The following NXN variants were observed in gnomAD, a reference collection of about 807,000 sequenced individuals.
The protein encoded by NXN is nucleoredoxin, also known as nucleoredoxin 1.
A neutral mutation model predicts 48.6 loss-of-function variants in NXN; 16 were observed. The ratio of observed to expected loss-of-function variants is 0.33; its 90% CI spans 0.22 to 0.50. NXN has a LOEUF of 0.50. Ranked by LOEUF, NXN falls within the 20% of genes least tolerant of loss-of-function variation. The pLI, the probability that NXN is intolerant of heterozygous loss-of-function variation, is 0.98. For missense variants in NXN, 492 were observed against 605.5 expected (o/e 0.81, Z 1.97); for synonymous variants, 281 against 269.6 (o/e 1.04, Z -0.41).
chr17:965,574 C>T (rs1032467294), intron 1 of NXN, among the ~76,000 whole-genome samples: 4 of 152,148 alleles, frequency 2.6e-5, no homozygotes, highest in East Asian at 1.9e-4. Flanking sequence ...AGTTTGGAAT[C>T]GGCTGGATTT....
chr17:895,087 G>A (rs573349042), intron 1 of NXN, among the ~76,000 whole-genome samples: 1 of 123,142 alleles, frequency 8.1e-6, no homozygotes, highest in South Asian at 2.9e-4. Flanking sequence ...CACCATCTCG[G>A]CTCACTGCAA....
intron 1 of NXN, among the ~76,000 whole-genome samples, chr17:846,946 T>G (rs546762466): frequency 1.7e-3 from 258 of 152,304 alleles, no homozygotes; most frequent in African/African-American, 5.9e-3. Flanking sequence ...ATATCCCACA[T>G]AGTCAAATCA....
At chr17:833,720 A>G (rs11872025) in intron 1 of NXN, among the ~76,000 whole-genome samples, 25,428 of 152,004 alleles carry the variant, frequency 0.17, 7,069 homozygotes, top group African/African-American at 0.58. Context: ...ACAGACCCCA[A>G]ATGAAGACCT....
At chr17:955,618 C>T (rs112480531) in intron 1 of NXN, among the ~76,000 whole-genome samples, 4,289 of 146,186 alleles carry the variant, frequency 0.029, 210 homozygotes, top group African/African-American at 0.1. Flanking sequence ...CTCGGGAGGC[C>T]GGACGCGGTG....
At chr17:853,725 T>TATATATATATATATATA (rs1244981485) in intron 1 of NXN, among the ~76,000 whole-genome samples, 6 of 85,940 alleles carry the variant, frequency 7.0e-5, no homozygotes, top group Admixed American at 3.2e-4. Flanking sequence ...ATATATATAT[T>TATATATATATATATATA]TTTTTTTTTT....
chr17:945,241 C>G, intron 1 of NXN, among the ~76,000 whole-genome samples: 1 of 151,658 alleles, frequency 6.6e-6, no homozygotes, highest in African/African-American at 2.4e-5. Flanking sequence ...GCCACCACGC[C>G]CGGCTAATTT....
chr17:947,856 C>T (rs190447646), intron 1 of NXN, among the ~76,000 whole-genome samples: 5 of 136,156 alleles, frequency 3.7e-5, no homozygotes, highest in Admixed American at 8.4e-5. Flanking sequence ...CTGGGCAACA[C>T]GGTGAAACTC....
rs2068182871 is a variant in NXN, at chr17:873,536, CTGTACTTA to C, written c.361-47466_361-47459del. On this transcript the variant is annotated intron_variant, in intron 1 of 7. Transcript: ENST00000336868. ...GGAGTCTCCGTCTCCTTCTGTACTTCTGTACTTATATTTTGCTAGTCACAGAGAGACCT... is the reference window on the plus strand; with the variant it reads ...GGAGTCTCCGTCTCCTTCTGTACTTCTATTTTGCTAGTCACAGAGAGACCT... Among the ~76,000 whole-genome samples the C allele has an allele frequency of 8.7e-5, 13 of 149,884 alleles. No homozygotes were observed. The South Asian group carries it at 2.5e-3, about 29-fold the overall frequency.
intron 1 of NXN, among the ~76,000 whole-genome samples, chr17:843,064 A>AAAGCAAGCAAGCAAGC (rs200717420): frequency 3.6e-5 from 5 of 138,118 alleles, no homozygotes; most frequent in African/African-American, 1.1e-4. Context: ...AAGAAGGAAG[A>AAAGCAAGCAAGCAAGC]AAGCAAGCAA....
chr17:943,823 T>C lies in NXN; in HGVS notation c.360+35496A>G, dbSNP rs183079546. On this transcript the variant is annotated intron_variant, in intron 1 of 7. Coordinates refer to ENST00000336868, the MANE Select transcript of NXN (RefSeq NM_022463.5). ...CTGAGTGACAGAGTATGACTCCGTC[T>C]CTAAAAAAGGAAAAAAAAATGGTGA... 1.2e-3 allele frequency among the ~76,000 whole-genome samples: 178 copies of C among 148,876 alleles called. 2 individuals carry two copies. The highest frequency in any genetic ancestry group is 1.9e-3 in the South Asian group (9 of 4,690).
intron 1 of NXN, among the ~76,000 whole-genome samples, chr17:951,333 G>C (rs931610811): frequency 1.3e-5 from 2 of 148,458 alleles, no homozygotes; most frequent in Admixed American, 6.9e-5. Context: ...CTGAGTGACA[G>C]AGTGAGACTC....
At chr17:928,030 T>G (rs2068818912) in intron 1 of NXN, among the ~76,000 whole-genome samples, 1 of 151,614 alleles carries the variant, frequency 6.6e-6, no homozygotes, top group Non-Finnish European at 1.5e-5. Context: ...ATTGTAAACT[T>G]GAAGAGGACT....
chr17:801,226 G>A (rs1462146946), intron 7 of NXN, 95 bp from the exon 8 acceptor site: 27 of 960,458 alleles, frequency 2.8e-5, no homozygotes, highest in South Asian at 1.3e-4. Flanking sequence ...GGTAGCTCCC[G>A]CACCCTGAAG....
intron 1 of NXN, among the ~76,000 whole-genome samples, chr17:889,148 T>C (rs2068381690): frequency 6.6e-6 from 1 of 152,098 alleles, no homozygotes; most frequent in South Asian, 2.1e-4. Flanking sequence ...CTGCCAGCTA[T>C]GTGGCACTTA....
At position 835,307 on chromosome 17, in the gene NXN, C is replaced by CAA. The variant is rs368573865; in HGVS notation, c.361-9231_361-9230dup. On this transcript the variant is annotated intron_variant, in intron 1 of 7. Transcript: ENST00000336868. ...TGGAAGACAGACCGAGACTCTGTTT[C>CAA]AAAAAAAAAAAAAAAAGAAAACGTC... 2.2e-4 allele frequency among the ~76,000 whole-genome samples: 20 copies of CAA among 91,280 alleles called. No individual in the cohort carries two copies. The East Asian group carries it at 2.5e-3, about 12-fold the overall frequency. 59.9% of individuals were successfully genotyped at this position (91,280 alleles called of 152,430 possible). A position where few individuals can be genotyped will look rare whatever the true frequency, so the allele number is the denominator to read the frequency against.
chr17:931,979 A>ACTT (rs1555517165), intron 1 of NXN, among the ~76,000 whole-genome samples: 1 of 147,074 alleles, frequency 6.8e-6, no homozygotes, highest in African/African-American at 2.7e-5. Flanking sequence ...CCCCATCTCT[A>ACTT]CTAAGAATAC....
intron 5 of NXN, among the ~76,000 whole-genome samples, chr17:805,536 C>A (rs1191111525): frequency 6.6e-6 from 1 of 152,186 alleles, no homozygotes; most frequent in Non-Finnish European, 1.5e-5. Flanking sequence ...GTTGTCGTTC[C>A]TACCTTATTC....
At chr17:937,100 G>A (rs2068916159) in intron 1 of NXN, among the ~76,000 whole-genome samples, 1 of 151,898 alleles carries the variant, frequency 6.6e-6, no homozygotes, top group African/African-American at 2.4e-5. Flanking sequence ...CTCCCACCTC[G>A]GTGTCCTGAG....
intron 1 of NXN, among the ~76,000 whole-genome samples, chr17:906,349 C>G (rs900876269): frequency 6.8e-6 from 1 of 147,534 alleles, no homozygotes; most frequent in African/African-American, 2.4e-5. Flanking sequence ...AAATAAATAC[C>G]ATGTTTTTTA....
Sources: gnomAD v4.1 joint callset for allele counts (sites outside exome capture counted in the v4.1 genomes callset) on GRCh38, gnomAD v4.1.1 for gene constraint, MANE v1.5 for transcripts, NCBI Gene and HGNC (gene_info 2026-07-23, HGNC 2026-07-21) for gene names.